CRYBG1: variants seen among roughly 807,000 people sequenced by gnomAD.
CRYBG1 encodes crystallin beta-gamma domain containing 1, also known as beta/gamma crystallin domain-containing protein 1.
Under a neutral mutation model 189.2 loss-of-function variants are expected in CRYBG1, and 139 were observed. That is an observed-to-expected ratio of 0.73 (90% CI 0.64 to 0.85). The LOEUF is 0.85. Ranked by LOEUF, CRYBG1 falls within the 40% of genes least tolerant of loss-of-function variation. CRYBG1 has a pLI of 0.00. For synonymous variants in CRYBG1, 1,023 were observed against 1,017.1 expected, an observed-to-expected ratio of 1.01 and a Z score of -0.11; for missense variants, 2,611 against 2,675.8, an observed-to-expected ratio of 0.98 and a Z score of 0.53.
intron 1 of CRYBG1, among the ~76,000 whole-genome samples, chr6:106,398,537 A>G (rs1178740227): frequency 6.6e-6 from 1 of 152,196 alleles, no homozygotes; most frequent in Non-Finnish European, 1.5e-5. Context: ...GCAAAAATCT[A>G]TTCTATAAAA....
Position 106,375,417 on chromosome 6 carries a change from G to GTAAATAAA in CRYBG1, c.173+14339_173+14340insATAAATAA, listed in dbSNP as rs1491556320. 1.9e-3 allele frequency among the ~76,000 whole-genome samples: 249 copies of GTAAATAAA among 133,418 alleles called. 2 individuals carry two copies. In the East Asian group the frequency reaches 0.019, roughly 10 times the overall value. 87.5% of individuals were successfully genotyped at this position (133,418 alleles called of 152,430 possible). A position where few individuals can be genotyped will look rare whatever the true frequency, so the allele number is the denominator to read the frequency against. ...AGTAAGTAAGTAAGTAAGTAAGTAA[G>GTAAATAAA]TAAGTAAATAAATAAATAAATAAAT... On this transcript the variant is annotated intron_variant, in intron 1 of 21. Coordinates refer to ENST00000633556, the MANE Select transcript of CRYBG1 (RefSeq NM_001371242.2).
intron 9 of CRYBG1, among the ~76,000 whole-genome samples, chr6:106,540,265 T>C (rs189459892): frequency 0.016 from 2,450 of 152,350 alleles, 32 homozygotes; most frequent in Non-Finnish European, 0.025. Context: ...TGCTGCAGCA[T>C]GGAAGTTGTT....
chr6:106,373,945 T>A (rs1416978183), intron 1 of CRYBG1, among the ~76,000 whole-genome samples: 2 of 152,260 alleles, frequency 1.3e-5, no homozygotes, highest in Non-Finnish European at 2.9e-5. Flanking sequence ...TATGTGTGAC[T>A]GTAACTGAGC....
chr6:106,492,723 AT>A (rs1772753072), intron 2 of CRYBG1, among the ~76,000 whole-genome samples: 1 of 151,670 alleles, frequency 6.6e-6, no homozygotes, highest in African/African-American at 2.4e-5. Context: ...TTATAACAAT[AT>A]CCCCTTGTAT....
intron 1 of CRYBG1, among the ~76,000 whole-genome samples, chr6:106,410,614 G>A (rs905469845): frequency 6.6e-6 from 1 of 152,130 alleles, no homozygotes; most frequent in Admixed American, 6.5e-5. Context: ...GCAAAGACTT[G>A]GAACCAACCC....
At chr6:106,428,232 G>T (rs527340480) in intron 1 of CRYBG1, among the ~76,000 whole-genome samples, 4 of 152,232 alleles carry the variant, frequency 2.6e-5, no homozygotes, top group Admixed American at 1.3e-4. Context: ...ATATGTTTTT[G>T]TTGAAAGAAT....
chr6:106,383,386 G>A lies in CRYBG1; in HGVS notation c.173+22305G>A, dbSNP rs7754450. Among the ~76,000 whole-genome samples, 1,462 of 152,262 alleles carry A rather than the reference G, an allele frequency of 9.6e-3. 32 individuals are homozygous for A. Among genetic ancestry groups the A allele is most frequent in the African/African-American group, 0.034 (1,395 of 41,532 alleles). The stretch of plus-strand genomic sequence containing the variant: ...TGCCAAGGGCACCAGGCTATTCAGT[G>A]GCAAAGCTGGGGCCAGAACCAAGCT... On this transcript the variant is annotated intron_variant, in intron 1 of 21. Transcript: ENST00000633556.
At chr6:106,465,420 A>G (rs1223654514) in intron 2 of CRYBG1, among the ~76,000 whole-genome samples, 1 of 152,206 alleles carries the variant, frequency 6.6e-6, no homozygotes, top group African/African-American at 2.4e-5. Context: ...TGGATTAGAT[A>G]GTGCTCTGTG....
chr6:106,413,797 C>T (rs1274238369), intron 1 of CRYBG1, among the ~76,000 whole-genome samples: 1 of 152,092 alleles, frequency 6.6e-6, no homozygotes, highest in Admixed American at 6.6e-5. Context: ...ACAAAAGCCT[C>T]GTTTTTAAAC....
chr6:106,398,379 G>C (rs1413297463), intron 1 of CRYBG1, among the ~76,000 whole-genome samples: 2 of 152,102 alleles, frequency 1.3e-5, no homozygotes, highest in Non-Finnish European at 2.9e-5. Flanking sequence ...GGGAGGCAGA[G>C]GTTGCAGTGG....
At chr6:106,361,125 C>CCTCCTT (rs1321263431) in intron 1 of CRYBG1, 44 bp downstream of exon 1, 7 of 1,515,200 alleles carry the variant, frequency 4.6e-6, no homozygotes, top group Non-Finnish European at 6.2e-6. Context: ...TCCTCCTCCT[C>CCTCCTT]CTCCTTCTCC....
At chr6:106,385,743 A>G (rs9386535) in intron 1 of CRYBG1, among the ~76,000 whole-genome samples, 18,156 of 152,212 alleles carry the variant, frequency 0.12, 1,202 homozygotes, top group African/African-American at 0.16. Context: ...TCATCAGTTC[A>G]TCTAGTTATG....
intron 1 of CRYBG1, among the ~76,000 whole-genome samples, chr6:106,377,845 C>A (rs1041669427): frequency 6.6e-6 from 1 of 151,742 alleles, no homozygotes; most frequent in Non-Finnish European, 1.5e-5. Context: ...CATCATTTAC[C>A]AATGACCATT....
chr6:106,565,748 C>G (rs1028836920), intron 21 of CRYBG1, among the ~76,000 whole-genome samples: 1 of 152,172 alleles, frequency 6.6e-6, no homozygotes, highest in African/African-American at 2.4e-5. Flanking sequence ...ACATTTGGTA[C>G]AACAGATTTG....
chr6:106,396,972 G>A (rs1444844510), intron 1 of CRYBG1, among the ~76,000 whole-genome samples: 1 of 152,198 alleles, frequency 6.6e-6, no homozygotes, highest in Admixed American at 6.5e-5. Flanking sequence ...GAGCCACCAT[G>A]CCCAGCCAAT....
chr6:106,407,284 A>C (rs1020319781), intron 1 of CRYBG1, among the ~76,000 whole-genome samples: 1 of 152,224 alleles, frequency 6.6e-6, no homozygotes, highest in Non-Finnish European at 1.5e-5. Flanking sequence ...CAAAAAAGAC[A>C]AAAAAGAGCA....
At chr6:106,404,043 G>T (rs1582743742) in intron 1 of CRYBG1, among the ~76,000 whole-genome samples, 1 of 152,310 alleles carries the variant, frequency 6.6e-6, no homozygotes, top group African/African-American at 2.4e-5. Flanking sequence ...TCAGAAGAGG[G>T]CTCTGCCCAG....
chr6:106,520,519 A>C lies in CRYBG1; in HGVS notation c.3311A>C (p.Asp1104Ala), dbSNP rs1215509396. Residue 1104 changes from aspartate to alanine, a missense_variant, in exon 4 of 22, where the codon GAT becomes GCT. Asp to Ala is a moderately radical substitution (Grantham distance 126). Coordinates refer to ENST00000633556, the MANE Select transcript of CRYBG1 (RefSeq NM_001371242.2). ...SDDSVFDSSS[D>A]MEKFTEIIKQ... ...GATAGTGTATTTGATTCTTCTTCTGATATGGAAAAATTCACTGAAATTATA... is the reference window on the plus strand; with the variant it reads ...GATAGTGTATTTGATTCTTCTTCTGCTATGGAAAAATTCACTGAAATTATA... The C allele has an allele frequency of 1.9e-6, 3 of 1,614,026 alleles. No individual in the cohort carries two copies.
At chr6:106,425,333 G>T (rs1246216338) in intron 1 of CRYBG1, among the ~76,000 whole-genome samples, 1 of 152,034 alleles carries the variant, frequency 6.6e-6, no homozygotes, top group African/African-American at 2.4e-5. Context: ...TTCGCTGCCT[G>T]TCCCACCTCC....
Sources: gnomAD v4.1 joint callset for allele counts (sites outside exome capture counted in the v4.1 genomes callset) on GRCh38, gnomAD v4.1.1 for gene constraint, MANE v1.5 for transcripts, NCBI Gene and HGNC (gene_info 2026-07-23, HGNC 2026-07-21) for gene names.